The following TDP1 variants were observed in gnomAD, a reference collection of about 807,000 sequenced individuals.
TDP1 encodes the protein tyr-DNA phosphodiesterase 1.
Under a neutral mutation model 81.5 loss-of-function variants are expected in TDP1, and 64 were observed. The ratio of observed to expected loss-of-function variants is 0.79; its 90% CI spans 0.64 to 0.97. The LOEUF is 0.97. TDP1 is among the 50% of genes least tolerant of loss of function. The pLI, the probability that TDP1 is intolerant of heterozygous loss-of-function variation, is 0.00. For missense variants in TDP1, 723 were observed against 743.8 expected (o/e 0.97, Z 0.33); for synonymous variants, 256 against 264.3 (o/e 0.97, Z 0.30).
chr14:90,000,361 C>T (rs543319310), intron 14 of TDP1, among the ~76,000 whole-genome samples: 2 of 152,258 alleles, frequency 1.3e-5, no homozygotes, highest in Non-Finnish European at 2.9e-5. Flanking sequence ...CAGGCATGTG[C>T]ACCAGGGGCC....
At chr14:90,011,411 G>T (rs1884689652) in intron 14 of TDP1, among the ~76,000 whole-genome samples, 3 of 152,188 alleles carry the variant, frequency 2.0e-5, no homozygotes, top group Admixed American at 2.0e-4. Context: ...GAAAATGTGG[G>T]AAAGTGGGAA....
chr14:89,999,581 A>G (rs946510678), intron 14 of TDP1, among the ~76,000 whole-genome samples: 2 of 152,236 alleles, frequency 1.3e-5, no homozygotes, highest in African/African-American at 4.8e-5. Context: ...ATTAAGTACA[A>G]TAAAATTAAA....
At chr14:89,956,216 C>T (rs1490885558) in intron 1 of TDP1, 1 of 152,370 alleles carries the variant, frequency 6.6e-6, no homozygotes, top group African/African-American at 2.4e-5. Flanking sequence ...AGACCTGTGT[C>T]CTGCCGGGGC....
At chr14:89,964,861 T>C (rs547154225) in intron 3 of TDP1, 2 of 449,298 alleles carry the variant, frequency 4.5e-6, no homozygotes, top group Non-Finnish European at 8.9e-6. Context: ...GACAGTCTTA[T>C]GAGTAGATGT....
intron 6 of TDP1, 36 bp from the exon 7 acceptor site, chr14:89,975,745 G>A: frequency 6.3e-7 from 1 of 1,577,370 alleles, no homozygotes; most frequent in Non-Finnish European, 8.7e-7. Context: ...ATATTAGTGA[G>A]TTGTTTTTAA....
chr14:89,998,203 A>G (rs1350080670), intron 14 of TDP1, among the ~76,000 whole-genome samples: 1 of 151,812 alleles, frequency 6.6e-6, no homozygotes, highest in East Asian at 1.9e-4. Flanking sequence ...AGGTAGCCCC[A>G]TGTCATCTTA....
chr14:89,957,400 A>G (rs1448177375), intron 2 of TDP1, among the ~76,000 whole-genome samples: 2 of 152,222 alleles, frequency 1.3e-5, no homozygotes, highest in Non-Finnish European at 2.9e-5. Context: ...TATCCATTTC[A>G]CAGACTAAAA....
chr14:89,970,364 T>C (rs1484394868), intron 5 of TDP1, among the ~76,000 whole-genome samples: 1 of 152,224 alleles, frequency 6.6e-6, no homozygotes, highest in Non-Finnish European at 1.5e-5. Context: ...AGCTGCGTCA[T>C]GCTGTGGGCC....
intron 2 of TDP1, among the ~76,000 whole-genome samples, chr14:89,957,525 TGAG>T (rs1454134717): frequency 6.6e-6 from 1 of 152,168 alleles, no homozygotes; most frequent in Non-Finnish European, 1.5e-5. Flanking sequence ...GGAACTCAAT[TGAG>T]GAGCATGGCC....
rs763313550 is a variant in TDP1, at chr14:89,963,493, ACTG to A, written c.380_382del (p.Thr127_Glu128delinsLys). On this transcript the variant is annotated inframe_deletion, in exon 3 of 17. Coordinates refer to ENST00000335725, the MANE Select transcript of TDP1 (RefSeq NM_018319.4). ...TCCCAATGACGGCACTGCCCAAAGA[ACTG>A]AAAATCATGGCGCTCCCGCCTGCCA... 32 of 1,604,418 alleles carry A rather than the reference ACTG, an allele frequency of 2.0e-5. No homozygotes were observed. Among genetic ancestry groups the A allele is most frequent in the Non-Finnish European group, 2.7e-5 (32 of 1,174,930 alleles).
At position 90,019,314 on chromosome 14, in the gene TDP1, A is replaced by G. The variant is rs748477142; in HGVS notation, c.1542-2A>G. 13 of 1,595,412 alleles carry G rather than the reference A, an allele frequency of 8.1e-6. No individual in the cohort carries two copies. The highest frequency in any genetic ancestry group is 4.0e-5 in the African/African-American group (3 of 74,476). On this transcript the variant is annotated splice_acceptor_variant, in intron 14 of 16. Coordinates refer to ENST00000335725, the MANE Select transcript of TDP1 (RefSeq NM_018319.4). LOFTEE classifies it high-confidence loss of function. ...GCCCTATCTGTGTCCTTGTCTCTGC[A>G]GCGCAAATCTGTCCAAGGCTGCCTG... is the stretch of plus-strand genomic sequence containing the variant.
chr14:89,966,167 G>T lies in TDP1; in HGVS notation c.580G>T (p.Gly194Trp), dbSNP rs1393785670. 1 of 1,606,620 alleles carries T rather than the reference G, an allele frequency of 6.2e-7. No homozygotes were observed. Among genetic ancestry groups the T allele is most frequent in the Non-Finnish European group, 8.5e-7 (1 of 1,173,398 alleles). ...CTCAGATATTTTATCTCCTTTATTTGGGACGCTTGTTTCTTCAGCTCAGGT... is the reference window on the plus strand; with the variant it reads ...CTCAGATATTTTATCTCCTTTATTTTGGACGCTTGTTTCTTCAGCTCAGGT... ...HIKDILSPLFGTLVSSAQFNY... is the reference protein window; with the variant it reads ...HIKDILSPLFWTLVSSAQFNY... Residue 194 changes from glycine (G) to tryptophan (W), a missense_variant, in exon 4 of 17, where the codon GGG (glycine) becomes TGG (tryptophan). Physicochemically the swap from Gly to Trp is radical, Grantham distance 184. Coordinates refer to ENST00000335725, the MANE Select transcript of TDP1 (RefSeq NM_018319.4).
chr14:89,999,216 T>C (rs971876061), intron 14 of TDP1, among the ~76,000 whole-genome samples: 1 of 152,242 alleles, frequency 6.6e-6, no homozygotes, highest in Non-Finnish European at 1.5e-5. Context: ...AAATGCCTTA[T>C]ACATTTCTAA....
Position 89,963,622 on chromosome 14 carries a change from A to G in TDP1, c.508A>G (p.Arg170Gly), listed in dbSNP as rs1454791288. The G allele has an allele frequency of 1.9e-6, 3 of 1,614,162 alleles. No homozygotes were observed. The highest frequency in any genetic ancestry group is 2.5e-6 in the Non-Finnish European group (3 of 1,180,010). ...GAACCCCTTCCAGTTTTACCTCACTAGAGTCTCTGGAGTTAAGCCAAAGTA... is the reference window on the plus strand; with the variant it reads ...GAACCCCTTCCAGTTTTACCTCACTGGAGTCTCTGGAGTTAAGCCAAAGTA... ...KGNPFQFYLT[R>G]VSGVKPKYNS... Residue 170 changes from arginine to glycine, a missense_variant, in exon 3 of 17, where the codon AGA becomes GGA. Arg to Gly is a moderately radical substitution (Grantham distance 125, BLOSUM62 -2). Coordinates refer to ENST00000335725, the MANE Select transcript of TDP1 (RefSeq NM_018319.4).
At position 89,963,486 on chromosome 14, in the gene TDP1, C is replaced by T. The variant is rs745795340; in HGVS notation, c.372C>T (p.Ala124=). The T allele has an allele frequency of 1.2e-6, 2 of 1,605,552 alleles. No individual in the cohort carries two copies. Among genetic ancestry groups the T allele is most frequent in the East Asian group, 4.5e-5 (2 of 44,800 alleles). ...KDISAPNDGT[A]QRTENHGAPA... The stretch of plus-strand genomic sequence containing the variant: ...TCTCTGCTCCCAATGACGGCACTGC[C>T]CAAAGAACTGAAAATCATGGCGCTC... Residue 124 remains alanine, a synonymous_variant, in exon 3 of 17, where the codon GCC becomes GCT. Transcript: ENST00000335725.
chr14:89,971,338 C>T, intron 6 of TDP1, 67 bp downstream of exon 6: 1 of 1,168,828 alleles, frequency 8.6e-7, no homozygotes, highest in Non-Finnish European at 1.3e-6. Flanking sequence ...GACATTTAGT[C>T]CACCCTCTCA....
intron 15 of TDP1, among the ~76,000 whole-genome samples, chr14:90,031,133 G>A (rs1459681561): frequency 5.3e-5 from 8 of 151,546 alleles, no homozygotes; most frequent in Non-Finnish European, 1.0e-4. Flanking sequence ...TATACTTTAA[G>A]TTTTAGGGTA....
chr14:89,988,499 A>G, intron 10 of TDP1: 7 of 711,936 alleles, frequency 9.8e-6, no homozygotes, highest in Non-Finnish European at 1.2e-5. Flanking sequence ...GTTGCATGCC[A>G]GGAAACAGGG....
At chr14:89,969,802 G>A (rs1344029141) in intron 5 of TDP1, among the ~76,000 whole-genome samples, 4 of 151,836 alleles carry the variant, frequency 2.6e-5, no homozygotes, top group South Asian at 2.1e-4. Context: ...GAAGTGGGTC[G>A]GTTGTTTATC....
Sources: allele counts gnomAD v4.1 joint callset (sites outside exome capture counted in the v4.1 genomes callset), GRCh38; gene constraint gnomAD v4.1.1; transcripts MANE v1.5; gene names NCBI Gene and HGNC (gene_info 2026-07-23, HGNC 2026-07-21).